Variants in ZNF695 observed in about 807,000 individuals in gnomAD.
The protein encoded by ZNF695 is zinc finger protein SBZF3.
A neutral mutation model predicts 11.2 loss-of-function variants in ZNF695; 11 were observed. The ratio of observed to expected loss-of-function variants is 0.98; its 90% CI spans 0.62 to 1.62. ZNF695 has a LOEUF of 1.62. ZNF695 is among the 40% of genes most tolerant of loss of function. ZNF695 has a pLI of 0.00. For missense variants in ZNF695, 559 were observed against 590.5 expected (o/e 0.95, Z 0.55); for synonymous variants, 190 against 201.4 (o/e 0.94, Z 0.48).
rs1572524374 is a variant in ZNF695, at chr1:246,986,156, A to G, written c.*811T>C. 6.4e-6 allele frequency: 4 copies of G among 628,680 alleles called. No individual in the cohort carries two copies. The highest frequency in any genetic ancestry group is 5.9e-6 in the Non-Finnish European group (3 of 504,508). The allele number at this position is 628,680 out of a possible 1,614,324, so 38.9% of individuals were successfully genotyped here. Reference sequence around the variant, plus strand: ...CAGATAGCAGCTCACTGCATCCTCAACCTCCAGGCTCAAGCAATCCTCCCA... The same window carrying G: ...CAGATAGCAGCTCACTGCATCCTCAGCCTCCAGGCTCAAGCAATCCTCCCA... On this transcript the variant is annotated 3_prime_UTR_variant, in exon 4 of 4. Coordinates refer to ENST00000339986, the MANE Select transcript of ZNF695 (RefSeq NM_020394.5).
At chr1:246,997,543 G>T (rs1157101512) in intron 3 of ZNF695, among the ~76,000 whole-genome samples, 2 of 151,586 alleles carry the variant, frequency 1.3e-5, no homozygotes, top group African/African-American at 4.8e-5. Context: ...ATACAAGACA[G>T]CAATCTCACA....
chr1:247,003,251 T>C (rs1669441926), intron 1 of ZNF695, among the ~76,000 whole-genome samples: 1 of 152,266 alleles, frequency 6.6e-6, no homozygotes, highest in South Asian at 2.1e-4. Context: ...TAAAATGACA[T>C]ACATGAACAC....
chr1:246,975,017 AT>A (rs1229381266), intron 4 of ZNF695, among the ~76,000 whole-genome samples: 11 of 152,134 alleles, frequency 7.2e-5, no homozygotes, highest in Admixed American at 7.2e-4. Flanking sequence ...TCCGAGCCTC[AT>A]GGAGACCCAC....
chr1:246,950,323 C>T (rs1667840576), intron 5 of ZNF695, among the ~76,000 whole-genome samples: 2 of 152,102 alleles, frequency 1.3e-5, no homozygotes, highest in African/African-American at 4.8e-5. Flanking sequence ...TTCAGACTTG[C>T]CATTCTTTTT....
downstream of ZNF695, among the ~76,000 whole-genome samples, chr1:246,981,993 G>A (rs879795435): frequency 2.7e-4 from 41 of 152,106 alleles, no homozygotes; most frequent in Non-Finnish European, 2.6e-4. Context: ...ATTTCAGGCC[G>A]GGGGCAGTGG....
At chr1:246,959,882 G>A (rs966679663) in intron 5 of ZNF695, among the ~76,000 whole-genome samples, 4 of 152,302 alleles carry the variant, frequency 2.6e-5, no homozygotes, top group African/African-American at 9.6e-5. Flanking sequence ...AAAGTGGACT[G>A]TTCCTCAGAA....
chr1:246,975,100 T>C (rs1484968223), intron 4 of ZNF695, among the ~76,000 whole-genome samples: 1 of 152,230 alleles, frequency 6.6e-6, no homozygotes, highest in African/African-American at 2.4e-5. Flanking sequence ...TTAGTTGTTT[T>C]TGCATTTACG....
intron 5 of ZNF695, among the ~76,000 whole-genome samples, chr1:246,947,941 GT>G (rs1487739137): frequency 6.6e-6 from 1 of 152,158 alleles, no homozygotes; most frequent in African/African-American, 2.4e-5. Context: ...CTGCAGAGTT[GT>G]TTGCTGAGGC....
intron 5 of ZNF695, among the ~76,000 whole-genome samples, chr1:246,951,552 C>T (rs1022100562): frequency 3.3e-5 from 5 of 152,158 alleles, no homozygotes; most frequent in Non-Finnish European, 5.9e-5. Flanking sequence ...AATACATTTC[C>T]GATGTTTGAA....
At chr1:246,971,993 C>A (rs757202527) in intron 4 of ZNF695, among the ~76,000 whole-genome samples, 6 of 152,172 alleles carry the variant, frequency 3.9e-5, no homozygotes, top group Non-Finnish European at 5.9e-5. Flanking sequence ...ACCGGGGCCT[C>A]CCAAAGTGCT....
intron 5 of ZNF695, chr1:246,967,661 T>C (rs949350978): frequency 2.3e-5 from 8 of 354,346 alleles, no homozygotes; most frequent in Admixed American, 1.1e-4. Flanking sequence ...TGAGACTGGG[T>C]AATTTATAAA....
intron 3 of ZNF695, 67 bp from the exon 4 acceptor site, chr1:246,988,322 A>G: frequency 8.3e-7 from 1 of 1,199,162 alleles, no homozygotes; most frequent in South Asian, 1.6e-5. Flanking sequence ...TCTAAGGCAT[A>G]AAATTATACA....
chr1:246,976,644 A>C (rs1439877424), intron 4 of ZNF695, among the ~76,000 whole-genome samples: 1 of 151,680 alleles, frequency 6.6e-6, no homozygotes, highest in African/African-American at 2.4e-5. Flanking sequence ...AATACAAAAA[A>C]TTAGCCAGGC....
intron 4 of ZNF695, among the ~76,000 whole-genome samples, chr1:246,974,164 A>C (rs555386798): frequency 0.01 from 1,531 of 149,240 alleles, 36 homozygotes; most frequent in African/African-American, 0.035. Context: ...AAACAAACAA[A>C]AAAAAACAAA....
At position 246,956,540 on chromosome 1, in the gene ZNF695, C is replaced by T. The variant is rs569586055; in HGVS notation, c.489-10713G>A. ...CTGAAGTAGGAGAATCACTTGAACC[C>T]GGGAGGCAGAGGTTGCAGTGAGCCG... On this transcript the variant is annotated intron_variant, in intron 5 of 5. Coordinates refer to the ZNF695 transcript ENST00000487338. 1.4e-3 allele frequency among the ~76,000 whole-genome samples: 214 copies of T among 151,872 alleles called. 1 individual carries two copies. The highest frequency in any genetic ancestry group is 3.4e-3 in the Middle Eastern group (1 of 294).
chr1:246,981,661 A>G (rs1430630976), downstream of ZNF695, among the ~76,000 whole-genome samples: 1 of 152,142 alleles, frequency 6.6e-6, no homozygotes, highest in South Asian at 2.1e-4. Flanking sequence ...TAGAACTTTT[A>G]CTTTAAGCTT....
At chr1:246,964,144 C>T (rs1186453338) in intron 5 of ZNF695, among the ~76,000 whole-genome samples, 2 of 152,134 alleles carry the variant, frequency 1.3e-5, no homozygotes, top group African/African-American at 4.8e-5. Context: ...CCTTCCAGCA[C>T]CTCCGCGTGT....
Position 246,986,061 on chromosome 1 carries a change from TA to T in ZNF695, c.*905del. ...CTCTTTCAGTGCACCGAGTATACTT[TA>T]TTATTATGTTGTTATTATTATTATT... On this transcript the variant is annotated 3_prime_UTR_variant, in exon 4 of 4. Coordinates refer to ENST00000339986, the MANE Select transcript of ZNF695 (RefSeq NM_020394.5). 1 of 977,772 alleles carries T rather than the reference TA, an allele frequency of 1.0e-6. No individual in the cohort carries two copies. The allele number at this position is 977,772 out of a possible 1,614,324, so 60.6% of individuals were successfully genotyped here.
At chr1:246,971,474 G>A (rs1195474225) in intron 4 of ZNF695, among the ~76,000 whole-genome samples, 1 of 152,120 alleles carries the variant, frequency 6.6e-6, no homozygotes, top group Non-Finnish European at 1.5e-5. Context: ...CCAGGGAAAG[G>A]GAGACTCCCT....
Sources: gnomAD v4.1 joint callset for allele counts (sites outside exome capture counted in the v4.1 genomes callset) on GRCh38, gnomAD v4.1.1 for gene constraint, MANE v1.5 for transcripts, NCBI Gene and HGNC (gene_info 2026-07-23, HGNC 2026-07-21) for gene names.